NOSIP: variants seen among roughly 807,000 people sequenced by gnomAD.
NOSIP encodes nitric oxide synthase-interacting protein.
Under a neutral mutation model 36.4 loss-of-function variants are expected in NOSIP, and 25 were observed. The observed-to-expected ratio is 0.69, with a 90% CI of 0.50 to 0.96. The LOEUF (loss-of-function observed/expected upper bound fraction) is 0.96, where lower values mean the gene tolerates loss of function less well. Ranked by LOEUF, NOSIP falls within the 40% of genes least tolerant of loss-of-function variation. NOSIP has a pLI of 0.00. For missense variants in NOSIP, 370 were observed against 429.0 expected (o/e 0.86, Z 1.21); for synonymous variants, 187 against 179.2 (o/e 1.04, Z -0.35).
chr19:49,573,641 C>T (rs551215360), intron 1 of NOSIP, among the ~76,000 whole-genome samples: 3 of 152,244 alleles, frequency 2.0e-5, no homozygotes, highest in African/African-American at 7.2e-5. Flanking sequence ...TCATTAGTAA[C>T]ATGTGAATCA....
chr19:49,577,928 C>T (rs2080575200), intron 1 of NOSIP, among the ~76,000 whole-genome samples: 1 of 152,014 alleles, frequency 6.6e-6, no homozygotes. Flanking sequence ...AGAGTAGTGG[C>T]TGCCAAAGAC....
At chr19:49,578,882 C>G (rs910540206) in intron 1 of NOSIP, among the ~76,000 whole-genome samples, 7 of 151,460 alleles carry the variant, frequency 4.6e-5, no homozygotes, top group African/African-American at 1.7e-4. Flanking sequence ...CTTGGCCTCC[C>G]AAAGTGCTGG....
chr19:49,578,164 C>T (rs2080578515), intron 1 of NOSIP, among the ~76,000 whole-genome samples: 1 of 151,728 alleles, frequency 6.6e-6, no homozygotes, highest in Non-Finnish European at 1.5e-5. Flanking sequence ...TGCTCTTTTG[C>T]CCAGGCTGGA....
intron 1 of NOSIP, among the ~76,000 whole-genome samples, chr19:49,575,986 T>C (rs1308009254): frequency 6.6e-6 from 1 of 151,948 alleles, no homozygotes; most frequent in African/African-American, 2.4e-5. Flanking sequence ...AAAAACAAAA[T>C]TAGCCGGGCG....
At chr19:49,557,874 T>C (rs1027866996) in intron 4 of NOSIP, 5 of 987,630 alleles carry the variant, frequency 5.1e-6, no homozygotes, top group Non-Finnish European at 6.0e-6. Context: ...ACAGTGACAG[T>C]GATGGATGCT....
intron 1 of NOSIP, among the ~76,000 whole-genome samples, chr19:49,569,024 A>C (rs1221815414): frequency 1.3e-5 from 2 of 151,424 alleles, no homozygotes; most frequent in East Asian, 3.9e-4. Flanking sequence ...GATGGTCTCG[A>C]ACTCCTGACC....
intron 1 of NOSIP, among the ~76,000 whole-genome samples, chr19:49,579,521 T>A (rs1211399787): frequency 6.6e-6 from 1 of 152,222 alleles, no homozygotes; most frequent in Non-Finnish European, 1.5e-5. Context: ...AACCTTTAAC[T>A]TAGAAATTTA....
In NOSIP at chr19:49,560,929, CTTTG is replaced by C. The variant is rs1343181511; in HGVS notation, c.-1-241_-1-238del. Reference sequence around the variant, plus strand: ...AAATAGCACCTTTAACAACAAAACTCTTTGTTTGGAGGTAAGAGGGTGAGAGACC... The same window carrying C: ...AAATAGCACCTTTAACAACAAAACTCTTTGGAGGTAAGAGGGTGAGAGACC... On this transcript the variant is annotated intron_variant, in intron 1 of 8. Coordinates refer to ENST00000596358, the MANE Select transcript of NOSIP (RefSeq NM_001270960.2). This position sits in a 1 kb window ranked among gnomAD's most constrained non-coding sequence, Gnocchi z 4.6. Among the ~76,000 whole-genome samples the C allele has an allele frequency of 2.0e-5, 3 of 152,256 alleles. No individual in the cohort carries two copies. The highest frequency in any genetic ancestry group is 1.9e-4 in the East Asian group (1 of 5,180).
intron 1 of NOSIP, among the ~76,000 whole-genome samples, chr19:49,578,028 T>C (rs1191665250): frequency 6.6e-6 from 1 of 152,172 alleles, no homozygotes. Context: ...CTTAAAATGA[T>C]AGTGTTGATG....
rs536756566 is a variant in NOSIP at position 49,572,937 on chromosome 19, C to T, written c.-2+7578G>A. Among the ~76,000 whole-genome samples the T allele has an allele frequency of 9.2e-5, 13 of 141,136 alleles. No homozygotes were observed. The South Asian group carries it at 1.8e-3, about 20-fold the overall frequency. 92.6% of individuals were successfully genotyped at this position (141,136 alleles called of 152,430 possible). A position where few individuals can be genotyped will look rare whatever the true frequency, so the allele number is the denominator to read the frequency against. ...GCAGTGAGCCAAGATCGGGCCACTGCACTCCAGCCTGGCCAACAGATCAAG... is the reference window on the plus strand; with the variant it reads ...GCAGTGAGCCAAGATCGGGCCACTGTACTCCAGCCTGGCCAACAGATCAAG... On this transcript the variant is annotated intron_variant, in intron 1 of 8. Coordinates refer to ENST00000596358, the MANE Select transcript of NOSIP (RefSeq NM_001270960.2).
Position 49,560,035 on chromosome 19 carries a change from G to A in NOSIP, c.75C>T (p.Ala25=), listed in dbSNP as rs113238098. The A allele has an allele frequency of 4.3e-6, 7 of 1,611,504 alleles. No homozygotes were observed. The African/African-American group carries it at 8.0e-5, about 18-fold the overall frequency. The change falls in exon 3 of 9, where the codon GCC becomes GCT. Residue 25 remains alanine (A), a synonymous_variant. Transcript: ENST00000596358. The surrounding 1 kb of genome is among the most constrained non-coding windows in gnomAD (Gnocchi z 4.6). ...GAATGTTCTGGGTCCCATAGCCCGA[G>A]GCCGCTGGGGACAGAGATGGGCAGA... The part of the protein sequence containing the change: ...TYHEKKKDTA[A]SGYGTQNIRL...
In NOSIP at chr19:49,556,808, G is replaced by GT. The variant is rs534514457; in HGVS notation, c.537+66dup. On this transcript the variant is annotated intron_variant, in intron 6 of 8. Transcript: ENST00000596358. ...GGTGGAGAGCGCGTGGTCCCTGTGCGTGAGGAGGACGGTGGGGAACCCTGG... is the reference window on the plus strand; with the variant it reads ...GGTGGAGAGCGCGTGGTCCCTGTGCGTTGAGGAGGACGGTGGGGAACCCTGG... The GT allele has an allele frequency of 1.1e-4, 175 of 1,595,484 alleles. 3 individuals are homozygous for GT. The South Asian group carries it at 1.8e-3, about 17-fold the overall frequency.
chr19:49,558,676 A>G, intron 4 of NOSIP: 2 of 601,750 alleles, frequency 3.3e-6, no homozygotes, highest in Admixed American at 2.9e-5. Flanking sequence ...GCTAAGTGCT[A>G]AGAGAAGAGG....
At chr19:49,569,382 T>A (rs1599760061) in intron 1 of NOSIP, among the ~76,000 whole-genome samples, 1 of 143,524 alleles carries the variant, frequency 7.0e-6, no homozygotes, top group South Asian at 2.2e-4. Context: ...TTTTTTTTAG[T>A]AGAGATGGGG....
At chr19:49,574,923 C>T (rs1029786862) in intron 1 of NOSIP, among the ~76,000 whole-genome samples, 2 of 149,024 alleles carry the variant, frequency 1.3e-5, no homozygotes, top group East Asian at 2.0e-4. Flanking sequence ...AGTGCAGTGG[C>T]GTGATCTCGG....
intron 1 of NOSIP, among the ~76,000 whole-genome samples, chr19:49,575,466 A>G (rs2080539566): frequency 6.6e-6 from 1 of 152,214 alleles, no homozygotes; most frequent in Admixed American, 6.5e-5. Flanking sequence ...AGCCTGAATG[A>G]ATTTCACTAC....
Position 49,560,692 on chromosome 19 carries a change from C to T in NOSIP, c.-1G>A. 6.3e-7 allele frequency: 1 copy of T among 1,589,732 alleles called. No homozygotes were observed. Among genetic ancestry groups the T allele is most frequent in the South Asian group, 1.1e-5 (1 of 87,206 alleles). On this transcript the variant is annotated splice_region_variant and 5_prime_UTR_variant, in exon 2 of 9. Transcript: ENST00000596358. The surrounding 1 kb of genome is among the most constrained non-coding windows in gnomAD (Gnocchi z 4.6). ...TGCAGTTCTTGCCATGCCGCGTCAT[C>T]CTAGGGAGGAAGGGACAGTGGCAGG...
chr19:49,559,753 A>G, intron 3 of NOSIP, 181 bp downstream of exon 3: 1 of 620,940 alleles, frequency 1.6e-6, no homozygotes. Context: ...TATGTTCCAC[A>G]CTATGAAACA....
At chr19:49,579,098 T>C (rs2080591395) in intron 1 of NOSIP, 1 of 152,116 alleles carries the variant, frequency 6.6e-6, no homozygotes, top group African/African-American at 2.4e-5. Flanking sequence ...GGGGAACAGT[T>C]CTAAATTAAG....
Sources: allele counts gnomAD v4.1 joint callset (sites outside exome capture counted in the v4.1 genomes callset), GRCh38; gene constraint gnomAD v4.1.1; non-coding constraint Gnocchi (gnomAD v3.1); transcripts MANE v1.5; gene names NCBI Gene and HGNC (gene_info 2026-07-23, HGNC 2026-07-21).